Variants in TAF4B observed in about 807,000 individuals in gnomAD.
TAF4B encodes the protein transcription initiation factor TFIID subunit 4B.
A neutral mutation model predicts 86.4 loss-of-function variants in TAF4B; 38 were observed. The observed-to-expected ratio is 0.44, with a 90% CI of 0.34 to 0.58. The LOEUF is 0.58. Ranked by LOEUF, TAF4B falls within the 20% of genes least tolerant of loss-of-function variation. The pLI, the probability that TAF4B is intolerant of heterozygous loss-of-function variation, is 0.02. For missense variants in TAF4B, 988 were observed against 1,027.6 expected, an observed-to-expected ratio of 0.96 and a Z score of 0.53; for synonymous variants, 388 against 391.2, an observed-to-expected ratio of 0.99 and a Z score of 0.10.
chr18:26,358,967 C>A (rs2057310617), intron 14 of TAF4B, among the ~76,000 whole-genome samples: 1 of 152,164 alleles, frequency 6.6e-6, no homozygotes, highest in Non-Finnish European at 1.5e-5. Flanking sequence ...AGTTCTTTTT[C>A]ATTTTAAATG....
chr18:26,248,150 A>G (rs1405884813), intron 1 of TAF4B, among the ~76,000 whole-genome samples: 7 of 39,494 alleles, frequency 1.8e-4, no homozygotes. Flanking sequence ...TGCTGGGATT[A>G]CAGGCGTGAG....
chr18:26,355,568 A>G (rs1214873324), intron 13 of TAF4B, among the ~76,000 whole-genome samples: 1 of 152,180 alleles, frequency 6.6e-6, no homozygotes, highest in Non-Finnish European at 1.5e-5. Context: ...TTTTTGTTAG[A>G]TTTTTGTGAA....
rs761918785 is a variant in TAF4B, at chr18:26,281,254, CTAAAA to C, written c.883-711_883-707del. On this transcript the variant is annotated intron_variant, in intron 5 of 14. Coordinates refer to ENST00000269142, the MANE Select transcript of TAF4B (RefSeq NM_005640.3). ...AAACTTGTACTTGTACCTCTTGAAT[CTAAAA>C]TAAAAGCTGAATTTTTTTTTTAATC... is the stretch of plus-strand genomic sequence containing the variant. 1.3e-4 allele frequency among the ~76,000 whole-genome samples: 19 copies of C among 151,476 alleles called. No homozygotes were observed. The Middle Eastern group carries it at 0.01, about 81-fold the overall frequency.
intron 5 of TAF4B, among the ~76,000 whole-genome samples, chr18:26,279,636 G>C (rs759733957): frequency 1.3e-5 from 2 of 150,678 alleles, no homozygotes; most frequent in African/African-American, 4.9e-5. Context: ...GATCCAAACA[G>C]CATGGCACTG....
At chr18:26,349,080 A>G (rs2057223345) in intron 13 of TAF4B, 1 of 152,236 alleles carries the variant, frequency 6.6e-6, no homozygotes, top group Non-Finnish European at 1.5e-5. Context: ...AAACTGTTTA[A>G]TAACAAAGGA....
intron 7 of TAF4B, among the ~76,000 whole-genome samples, chr18:26,289,464 G>GT (rs1393551986): frequency 6.6e-6 from 1 of 151,956 alleles, no homozygotes; most frequent in Non-Finnish European, 1.5e-5. Context: ...ATTTGCGTTT[G>GT]TTTTGTTTGT....
intron 1 of TAF4B, among the ~76,000 whole-genome samples, chr18:26,232,514 C>T (rs771570932): frequency 1.3e-4 from 20 of 152,070 alleles, no homozygotes; most frequent in Non-Finnish European, 2.1e-4. Context: ...GGCCTGAAGG[C>T]GAGTAATAGC....
chr18:26,259,730 G>A (rs1461565856), intron 1 of TAF4B, among the ~76,000 whole-genome samples: 1 of 152,180 alleles, frequency 6.6e-6, no homozygotes, highest in African/African-American at 2.4e-5. Flanking sequence ...TGTGAATAGT[G>A]CCGCAGTAAA....
At chr18:26,352,780 G>C (rs145226438) in intron 13 of TAF4B, among the ~76,000 whole-genome samples, 47 of 152,172 alleles carry the variant, frequency 3.1e-4, no homozygotes, top group African/African-American at 9.9e-4. Context: ...CTCTCCAAAA[G>C]CAAATATAAC....
intron 1 of TAF4B, among the ~76,000 whole-genome samples, chr18:26,251,177 C>T (rs1000004948): frequency 6.6e-6 from 1 of 152,036 alleles, no homozygotes; most frequent in African/African-American, 2.4e-5. Context: ...ATGGGAGGCA[C>T]GTTTGGTTCC....
At chr18:26,298,851 CTTTTTTTTTTTTTTTT>C (rs56044910) in intron 9 of TAF4B, among the ~76,000 whole-genome samples, 1 of 46,542 alleles carries the variant, frequency 2.1e-5, no homozygotes, top group Non-Finnish European at 3.6e-5. Context: ...AGCCTATTGC[CTTTTTTTTTTTTTTTT>C]TTTTTTTTTT....
chr18:26,315,033 G>C (rs1276091606), intron 9 of TAF4B, among the ~76,000 whole-genome samples, 196 bp from the exon 10 acceptor site: 1 of 149,326 alleles, frequency 6.7e-6, no homozygotes, highest in East Asian at 2.1e-4. Flanking sequence ...TTGATTGGAT[G>C]AATTAAGTAA....
rs2056379276 is a variant in TAF4B, at chr18:26,276,009, C to G, written c.882+956C>G. Among the ~76,000 whole-genome samples the G allele has an allele frequency of 3.1e-5, 4 of 129,416 alleles. No individual in the cohort carries two copies. The South Asian group carries it at 9.7e-4, about 31-fold the overall frequency. The allele number at this position is 129,416 out of a possible 152,430, so 84.9% of individuals were successfully genotyped here. On this transcript the variant is annotated intron_variant, in intron 5 of 14. Transcript: ENST00000269142. ...CTAGCCCGGGCAACAGAGCAAGACT[C>G]TGTCTCAAAAAAAAAAAAAAAAAGA...
At position 26,293,456 on chromosome 18, in the gene TAF4B, G is replaced by A. The variant is rs200134841; in HGVS notation, c.1757G>A (p.Gly586Glu). The A allele has an allele frequency of 6.3e-7, 1 of 1,595,256 alleles. No individual in the cohort carries two copies. Among genetic ancestry groups the A allele is most frequent in the Admixed American group, 1.8e-5 (1 of 54,450 alleles). ...ASILKQITLPGNKILSLQASP... is the reference protein window; with the variant it reads ...ASILKQITLPENKILSLQASP... ...ATTCTAAAGCAAATTACTCTGCCTGGAAATAAAATTCTGTCACTTCAAGCA... is the reference window on the plus strand; with the variant it reads ...ATTCTAAAGCAAATTACTCTGCCTGAAAATAAAATTCTGTCACTTCAAGCA... The change falls in exon 9 of 15, where the codon GGA becomes GAA. Residue 586 changes from glycine (G) to glutamate (E), a missense_variant. Transcript: ENST00000269142.
In TAF4B at chr18:26,346,881, A is replaced by ATGTG. The variant is rs1555623700; in HGVS notation, c.2317-10808_2317-10807insGTGT. The stretch of plus-strand genomic sequence containing the variant: ...TATGTGTATATATATATATGTGTAT[A>ATGTG]TATATATATATATATATATGTGTGT... On this transcript the variant is annotated intron_variant, in intron 13 of 14. Coordinates refer to ENST00000269142, the MANE Select transcript of TAF4B (RefSeq NM_005640.3). 9.8e-3 allele frequency among the ~76,000 whole-genome samples: 79 copies of ATGTG among 8,026 alleles called. 14 individuals carry two copies. The highest frequency in any genetic ancestry group is 0.071 in the Admixed American group (33 of 466). 5.3% of individuals were successfully genotyped at this position (8,026 alleles called of 152,430 possible). A position where few individuals can be genotyped will look rare whatever the true frequency, so the allele number is the denominator to read the frequency against.
intron 10 of TAF4B, among the ~76,000 whole-genome samples, chr18:26,320,046 T>C (rs886458080): frequency 2.6e-5 from 4 of 152,252 alleles, no homozygotes; most frequent in African/African-American, 9.6e-5. Flanking sequence ...TCTTCCTATT[T>C]GCTTTCATTA....
In TAF4B at chr18:26,292,337, C is replaced by G; in HGVS notation, c.1682C>G (p.Thr561Arg). Reference protein sequence around the residue: ...TLTIQKCGQKTMPVNTIIPTS... With the variant: ...TLTIQKCGQKRMPVNTIIPTS... ...ACCATTCAGAAATGTGGACAGAAGA[C>G]GATGCCAGTGAACACCATAATACCT... Residue 561 changes from threonine (T) to arginine (R), a missense_variant, in exon 8 of 15, where the codon ACG (threonine) becomes AGG (arginine). Coordinates refer to ENST00000269142, the MANE Select transcript of TAF4B (RefSeq NM_005640.3). 6.2e-7 allele frequency: 1 copy of G among 1,614,122 alleles called. No individual in the cohort carries two copies. The highest frequency in any genetic ancestry group is 8.5e-7 in the Non-Finnish European group (1 of 1,180,004).
chr18:26,257,814 T>C (rs979312966), intron 1 of TAF4B, among the ~76,000 whole-genome samples: 2 of 151,594 alleles, frequency 1.3e-5, no homozygotes, highest in Non-Finnish European at 2.9e-5. Flanking sequence ...TTCTTTCATA[T>C]AGTTCATTTC....
At chr18:26,285,107 A>G (rs1445007328) in intron 6 of TAF4B, among the ~76,000 whole-genome samples, 2 of 151,342 alleles carry the variant, frequency 1.3e-5, no homozygotes, top group African/African-American at 4.8e-5. Flanking sequence ...AGCTGGGACT[A>G]CAGGCATGCA....
Sources: allele counts gnomAD v4.1 joint callset (sites outside exome capture counted in the v4.1 genomes callset), GRCh38; gene constraint gnomAD v4.1.1; transcripts MANE v1.5; gene names NCBI Gene and HGNC (gene_info 2026-07-23, HGNC 2026-07-21).